FHOD1: variants seen among roughly 807,000 people sequenced by gnomAD.
The protein encoded by FHOD1 is FH1/FH2 domain-containing protein 1.
A neutral mutation model predicts 111.6 loss-of-function variants in FHOD1; 89 were observed. The observed-to-expected ratio is 0.80, with a 90% CI of 0.67 to 0.95. The LOEUF (loss-of-function observed/expected upper bound fraction) is 0.95. Ranked by LOEUF, FHOD1 falls within the 40% of genes least tolerant of loss-of-function variation. The probability of loss-of-function intolerance (pLI) is 0.00; values close to 1 mark genes in which losing one functional copy is unlikely to be tolerated. For missense variants in FHOD1, 1,446 were observed against 1,554.2 expected, an observed-to-expected ratio of 0.93 and a Z score of 1.17; for synonymous variants, 618 against 639.0, an observed-to-expected ratio of 0.97 and a Z score of 0.50.
chr16:67,242,539 C>A (rs1459571544), intron 1 of FHOD1, among the ~76,000 whole-genome samples: 1 of 152,246 alleles, frequency 6.6e-6, no homozygotes, highest in Non-Finnish European at 1.5e-5. Flanking sequence ...AGAGCCAAAC[C>A]TCTGGGCCTT....
Position 67,234,394 on chromosome 16 carries a change from A to G in FHOD1, c.1398T>C (p.Leu466=), listed in dbSNP as rs780848946. The G allele has an allele frequency of 6.2e-7, 1 of 1,610,606 alleles. No homozygotes were observed. Residue 466 remains leucine, a synonymous_variant, in exon 12 of 22, where the codon CTT becomes CTC. Coordinates refer to ENST00000258201, the MANE Select transcript of FHOD1 (RefSeq NM_013241.3). ...VALAQGRAET[L]AGAMPNEAGG... ...CCGCCTCATTGGGCATGGCCCCGGC[A>G]AGTGTCTCTGCCCGGCCCTGGGCCA...
At chr16:67,230,916 G>T in intron 17 of FHOD1, 125 bp from the exon 18 acceptor site, 1 of 1,068,816 alleles carries the variant, frequency 9.4e-7, no homozygotes, top group Non-Finnish European at 1.3e-6. Context: ...AAATCTCATA[G>T]ACTAGTGCAA....
intron 11 of FHOD1, among the ~76,000 whole-genome samples, chr16:67,235,494 C>T (rs1351383810): frequency 6.7e-6 from 1 of 148,760 alleles, no homozygotes; most frequent in African/African-American, 2.5e-5. Flanking sequence ...CACACCACTG[C>T]ACTCCAGCCT....
chr16:67,247,087 G>A, intron 1 of FHOD1, 123 bp downstream of exon 1: 6 of 1,192,728 alleles, frequency 5.0e-6, no homozygotes, highest in Non-Finnish European at 6.8e-6. Context: ...TGGGACCCCA[G>A]CCCAAGACTT....
chr16:67,231,983 C>A lies in FHOD1; in HGVS notation c.2202+56G>T, dbSNP rs2034294177. The A allele has an allele frequency of 6.3e-7, 1 of 1,599,544 alleles. No individual in the cohort carries two copies. Among genetic ancestry groups the A allele is most frequent in the African/African-American group, 1.3e-5 (1 of 74,650 alleles). ...CCACCAGAGGGACAGGAAATGCCCA[C>A]CTACCAAAGGAGAAGGCCAGACCTC... On this transcript the variant is annotated intron_variant, in intron 14 of 21. Coordinates refer to ENST00000258201, the MANE Select transcript of FHOD1 (RefSeq NM_013241.3). This position sits in a 1 kb window ranked among gnomAD's most constrained non-coding sequence, Gnocchi z 4.3.
chr16:67,247,293 C>G lies in FHOD1; in HGVS notation c.118G>C (p.Ala40Pro), dbSNP rs767070782. 5 of 1,612,978 alleles carry G rather than the reference C, an allele frequency of 3.1e-6. No homozygotes were observed. Among genetic ancestry groups the G allele is most frequent in the African/African-American group, 1.3e-5 (1 of 75,028 alleles). The change falls in exon 1 of 22, where the codon GCC becomes CCC. Residue 40 changes from alanine (A) to proline (P), a missense_variant. Physicochemically the swap from Ala to Pro is conservative, Grantham distance 27 (BLOSUM62 -1). This residue lies in a region of FHOD1 where 127 missense variants were observed against 118.0 expected (regional missense o/e 1.08). Coordinates refer to ENST00000258201, the MANE Select transcript of FHOD1 (RefSeq NM_013241.3). ...GCCCCGTCCAGGCTGCAGGTGGGGG[C>G]CCGGCGCGGCTCCGGAAAGTTGGCA... ...ACANFPEPRR[A>P]PTCSLDGALP...
chr16:67,235,258 G>A lies in FHOD1; in HGVS notation c.1320-786C>T, dbSNP rs989216351. On this transcript the variant is annotated intron_variant, in intron 11 of 21. Coordinates refer to ENST00000258201, the MANE Select transcript of FHOD1 (RefSeq NM_013241.3). ...AGGGCCTGGTAAACAGGCCAGGTGC[G>A]GTGGCTCACGCTTGTAATCCCAGCA... Among the ~76,000 whole-genome samples the A allele has an allele frequency of 3.3e-5, 5 of 152,136 alleles. No individual in the cohort carries two copies. In the East Asian group the frequency reaches 7.7e-4, roughly 23 times the overall value.
chr16:67,234,819 G>C (rs982529676), intron 11 of FHOD1: 1 of 257,612 alleles, frequency 3.9e-6, no homozygotes, highest in Non-Finnish European at 7.7e-6. Context: ...ACCCAGGCTG[G>C]AGTACAGTGG....
chr16:67,235,520 ACT>A (rs1312659734), intron 11 of FHOD1, among the ~76,000 whole-genome samples: 1 of 142,310 alleles, frequency 7.0e-6, no homozygotes, highest in South Asian at 2.2e-4. Flanking sequence ...ACCGAGCAAG[ACT>A]CTGTCTCAAA....
rs146759934 is a variant in FHOD1, at chr16:67,233,783, A to G, written c.1920T>C (p.His640=). 1 of 1,613,826 alleles carries G rather than the reference A, an allele frequency of 6.2e-7. No individual in the cohort carries two copies. The highest frequency in any genetic ancestry group is 1.3e-5 in the African/African-American group (1 of 74,990). The change falls in exon 13 of 22, where the codon CAT becomes CAC. Residue 640 remains histidine (H), a synonymous_variant. Transcript: ENST00000258201. ...GCCCAAAGCGGCTTGCAGAGACTCC[A>G]TGGCCCCCAGCCAGCTTCAGCTCAC... ...FWRELKLAGG[H]GVSASRFGPC... is the part of the protein sequence containing the mutation.
intron 11 of FHOD1, 133 bp from the exon 12 acceptor site, chr16:67,234,605 C>G (rs2034413959): frequency 1.4e-6 from 1 of 721,740 alleles, no homozygotes; most frequent in South Asian, 1.7e-5. Context: ...ATGCGCTGAG[C>G]AGACCAGAAC....
In FHOD1 at chr16:67,236,998, G is replaced by A. The variant is rs756978661; in HGVS notation, c.1110C>T (p.Gly370=). 9.3e-6 allele frequency: 15 copies of A among 1,606,582 alleles called. No individual in the cohort carries two copies. The highest frequency in any genetic ancestry group is 1.2e-5 in the Non-Finnish European group (14 of 1,176,840). ...EGKRSRRSLE[G]GGCPARAPEP... Reference sequence around the variant, plus strand: ...CCGGGGCACGCGCGGGGCAGCCCCCGCCTTCCAGAGAACGGCGGCTCCTCT... The same window carrying A: ...CCGGGGCACGCGCGGGGCAGCCCCCACCTTCCAGAGAACGGCGGCTCCTCT... The change falls in exon 10 of 22, where the codon GGC becomes GGT. Residue 370 remains glycine (G), a synonymous_variant. Coordinates refer to ENST00000258201, the MANE Select transcript of FHOD1 (RefSeq NM_013241.3).
Position 67,238,087 on chromosome 16 carries a change from C to G in FHOD1, c.589G>C (p.Val197Leu). Residue 197 changes from valine (V) to leucine (L), a missense_variant, in exon 6 of 22, where the codon GTG (valine) becomes CTG (leucine). By Grantham distance (32) the Val-to-Leu change is conservative (BLOSUM62 1). Coordinates refer to ENST00000258201, the MANE Select transcript of FHOD1 (RefSeq NM_013241.3). This position sits in a 1 kb window ranked among gnomAD's most constrained non-coding sequence, Gnocchi z 4.2. Reference sequence around the variant, plus strand: ...TGAATAGTGTCACTGTGGGCCACCACCCCCAGCATTCCATCCACAAAGAGC... The same window carrying G: ...TGAATAGTGTCACTGTGGGCCACCAGCCCCAGCATTCCATCCACAAAGAGC... ...LMLFVDGMLG[V>L]VAHSDTIQWL... is the part of the protein sequence containing the mutation. 1.2e-6 allele frequency: 2 copies of G among 1,614,222 alleles called. No homozygotes were observed. The highest frequency in any genetic ancestry group is 1.7e-6 in the Non-Finnish European group (2 of 1,180,036).
chr16:67,237,413 A>AG lies in FHOD1; in HGVS notation c.850-32dup, dbSNP rs1168928629. 1.3e-5 allele frequency: 21 copies of AG among 1,613,464 alleles called. No homozygotes were observed. Among genetic ancestry groups the AG allele is most frequent in the Non-Finnish European group, 1.6e-5 (19 of 1,179,482 alleles). ...GGGCGGGGATAAGAAGGCAAGGCTG[A>AG]GGTTGGTGGGGAGGTCAGGAGCCTG... is the stretch of plus-strand genomic sequence containing the variant. On this transcript the variant is annotated intron_variant, in intron 8 of 21. Coordinates refer to ENST00000258201, the MANE Select transcript of FHOD1 (RefSeq NM_013241.3). The surrounding 1 kb of genome is among the most constrained non-coding windows in gnomAD (Gnocchi z 5.6).
Position 67,237,880 on chromosome 16 carries a change from A to G in FHOD1, c.643-112T>C. On this transcript the variant is annotated intron_variant, in intron 6 of 21. Transcript: ENST00000258201. The surrounding 1 kb of genome is among the most constrained non-coding windows in gnomAD (Gnocchi z 5.6). The stretch of plus-strand genomic sequence containing the variant: ...TGGACCCAGAGAGAATCTAGGCAGA[A>G]TGACCCTGGCCCCAGGCCCAGGCAC... 7.5e-7 allele frequency: 1 copy of G among 1,328,434 alleles called. No individual in the cohort carries two copies. The highest frequency in any genetic ancestry group is 1.1e-6 in the Non-Finnish European group (1 of 932,038). 82.3% of individuals were successfully genotyped at this position (1,328,434 alleles called of 1,614,324 possible). A position where few individuals can be genotyped will look rare whatever the true frequency, so the allele number is the denominator to read the frequency against.
At chr16:67,247,026 T>G in intron 1 of FHOD1, 184 bp downstream of exon 1, 1 of 649,124 alleles carries the variant, frequency 1.5e-6, no homozygotes, top group South Asian at 2.2e-5. Flanking sequence ...CCTCTTCAGT[T>G]TCCCCTCAAC....
intron 12 of FHOD1, 31 bp from the exon 13 acceptor site, chr16:67,234,298 T>A: frequency 6.3e-7 from 1 of 1,595,488 alleles, no homozygotes; most frequent in Non-Finnish European, 8.6e-7. Context: ...GTCAGTGCCA[T>A]GCCCCCTGTG....
chr16:67,239,431 C>T lies in FHOD1; in HGVS notation c.225G>A (p.Val75=). The T allele has an allele frequency of 2.5e-6, 4 of 1,614,082 alleles. No individual in the cohort carries two copies. Among genetic ancestry groups the T allele is most frequent in the Non-Finnish European group, 3.4e-6 (4 of 1,179,988 alleles). ...TGTCCAGGTAGTATCCGGAGGGAGA[C>T]ACTTGCAGAGCACAATCCTCCAACT... ...PLKLEDCALQ[V]SPSGYYLDTE... is the part of the protein sequence containing the mutation. Residue 75 remains valine, a synonymous_variant, in exon 2 of 22, where the codon GTG becomes GTA. Transcript: ENST00000258201.
At chr16:67,233,481 A>T (rs1597319304) in intron 13 of FHOD1, among the ~76,000 whole-genome samples, 176 bp downstream of exon 13, 1 of 152,286 alleles carries the variant, frequency 6.6e-6, no homozygotes, top group South Asian at 2.1e-4. Flanking sequence ...CCACATTTAG[A>T]TTCTAGTTGG....
Sources: allele counts gnomAD v4.1 joint callset (sites outside exome capture counted in the v4.1 genomes callset), GRCh38; gene constraint gnomAD v4.1.1; regional missense constraint gnomAD v4.1.1; non-coding constraint Gnocchi (gnomAD v3.1); transcripts MANE v1.5; gene names NCBI Gene and HGNC (gene_info 2026-07-23, HGNC 2026-07-21).